The following POLB variants were observed in gnomAD, a reference collection of about 807,000 sequenced individuals.
The protein encoded by POLB is DNA polymerase beta, also known as 5'-dRP lyase.
In POLB, 37 loss-of-function variants were observed where a neutral mutation model predicts 52.7. The observed-to-expected ratio is 0.70, with a 90% CI of 0.54 to 0.92. The LOEUF (loss-of-function observed/expected upper bound fraction) is 0.92, where lower values mean the gene tolerates loss of function less well. POLB is among the 40% of genes least tolerant of loss of function. The pLI is 0.00. For missense variants in POLB, 313 were observed against 400.8 expected, an observed-to-expected ratio of 0.78 and a Z score of 1.87; for synonymous variants, 138 against 131.3, an observed-to-expected ratio of 1.05 and a Z score of -0.35.
intron 3 of POLB, 68 bp from the exon 4 acceptor site, chr8:42,348,948 C>A: frequency 4.8e-6 from 4 of 841,564 alleles, no homozygotes; most frequent in Non-Finnish European, 7.6e-6. Context: ...CTGCTTTTTA[C>A]TTTATCTTTT....
chr8:42,365,529 G>A (rs1449658145), intron 11 of POLB, among the ~76,000 whole-genome samples: 1 of 152,156 alleles, frequency 6.6e-6, no homozygotes, highest in African/African-American at 2.4e-5. Flanking sequence ...TAGACAAGTT[G>A]GATGTTGTGC....
chr8:42,353,583 A>G (rs1226696456), intron 6 of POLB, among the ~76,000 whole-genome samples: 1 of 152,248 alleles, frequency 6.6e-6, no homozygotes, highest in African/African-American at 2.4e-5. Context: ...TTCCTTAAAT[A>G]TAGTAATCCT....
intron 3 of POLB, among the ~76,000 whole-genome samples, chr8:42,348,358 T>C (rs768193608): frequency 1.3e-5 from 2 of 152,246 alleles, no homozygotes; most frequent in Admixed American, 1.3e-4. Flanking sequence ...CATTGAGTTC[T>C]TGAAACGTGG....
chr8:42,344,483 A>C (rs953636991), intron 2 of POLB, among the ~76,000 whole-genome samples: 2 of 151,626 alleles, frequency 1.3e-5, no homozygotes, highest in East Asian at 3.9e-4. Context: ...AAAAAAAAAA[A>C]AGTTAGACAT....
intron 10 of POLB, 148 bp downstream of exon 10, chr8:42,361,513 A>G (rs1306278658): frequency 3.0e-5 from 19 of 631,732 alleles, no homozygotes; most frequent in Admixed American, 1.4e-4. Flanking sequence ...ATTCTGCGAA[A>G]GGCAAATTTC....
In POLB at chr8:42,342,267, C is replaced by T. The variant is rs1218853521; in HGVS notation, c.120-2686C>T. 3 of 1,544,784 alleles carry T rather than the reference C, an allele frequency of 1.9e-6. No individual in the cohort carries two copies. In the African/African-American group the frequency reaches 4.1e-5, roughly 21 times the overall value. On this transcript the variant is annotated intron_variant, in intron 2 of 13. Transcript: ENST00000265421. ...ACATTGTATTATCGCCAGTCACCTC[C>T]ACTTGGCCTTCATAGATCTTGTCCA...
At chr8:42,345,074 G>A (rs1287688551) in intron 3 of POLB, 55 bp downstream of exon 3, 7 of 1,229,908 alleles carry the variant, frequency 5.7e-6, no homozygotes, top group Admixed American at 1.8e-5. Flanking sequence ...AATTTGGTGG[G>A]TTCCCACCAA....
chr8:42,345,099 T>C, intron 3 of POLB, 80 bp downstream of exon 3: 1 of 854,672 alleles, frequency 1.2e-6, no homozygotes, highest in African/African-American at 1.7e-5. Context: ...AACTTGCCTG[T>C]CTGAAGCAGC....
chr8:42,349,071 A>C lies in POLB; in HGVS notation c.242A>C (p.Lys81Thr). ...EKIDEFLATG[K>T]LRKLEKIRQD... ...ATTGATGAGTTTTTAGCAACTGGAAAATTACGTAAACTGGAAAAGGTAAAA... is the reference window on the plus strand; with the variant it reads ...ATTGATGAGTTTTTAGCAACTGGAACATTACGTAAACTGGAAAAGGTAAAA... Residue 81 changes from lysine to threonine, a missense_variant, in exon 4 of 14, where the codon AAA becomes ACA. By Grantham distance (78) the Lys-to-Thr change is moderately conservative. Transcript: ENST00000265421. 2 of 1,599,310 alleles carry C rather than the reference A, an allele frequency of 1.3e-6. No homozygotes were observed. The highest frequency in any genetic ancestry group is 2.2e-5 in the South Asian group (2 of 89,974).
In POLB at chr8:42,369,929, A is replaced by C. The variant is rs1298857868; in HGVS notation, c.854A>C (p.His285Pro). The C allele has an allele frequency of 1.9e-6, 3 of 1,603,084 alleles. No individual in the cohort carries two copies. The highest frequency in any genetic ancestry group is 1.3e-5 in the African/African-American group (1 of 74,850). The change falls in exon 13 of 14, where the codon CAT (histidine) becomes CCT (proline). Residue 285 changes from histidine (H) to proline (P), a missense_variant. Physicochemically the swap from His to Pro is moderately conservative, Grantham distance 77. Transcript: ENST00000265421. The part of the protein sequence containing the change: ...SDIFNKNMRA[H>P]ALEKGFTINE... ...ATTTTCAATAAGAATATGAGGGCTC[A>C]TGCCCTAGAAAAGGGTTTCACAATC...
rs1450680401 is a variant in POLB, at chr8:42,369,327, T to C, written c.765T>C (p.Ile255=). 1.3e-6 allele frequency: 2 copies of C among 1,570,302 alleles called. No homozygotes were observed. Among genetic ancestry groups the C allele is most frequent in the Non-Finnish European group, 8.8e-7 (1 of 1,141,612 alleles). ...NDEKEYPHRR[I]DIRLIPKDQY... is the part of the protein sequence containing the mutation. ...AAAAAGAATATCCACACAGAAGAAT[T>C]GATATCAGGTATTGTTCAGACTTTG... The change falls in exon 12 of 14, where the codon ATT becomes ATC. Residue 255 remains isoleucine (I), a synonymous_variant. Transcript: ENST00000265421.
intron 7 of POLB, 120 bp from the exon 8 acceptor site, chr8:42,357,049 C>G: frequency 1.6e-6 from 1 of 627,062 alleles, no homozygotes; most frequent in South Asian, 2.1e-5. Flanking sequence ...TTCATTCTAG[C>G]CTTGATTTGT....
intron 11 of POLB, among the ~76,000 whole-genome samples, chr8:42,364,152 C>G (rs2130847361): frequency 6.6e-6 from 1 of 152,244 alleles, no homozygotes; most frequent in African/African-American, 2.4e-5. Flanking sequence ...GTCTCAAACT[C>G]CTGACCTCAG....
At chr8:42,345,170 T>G (rs892757349) in intron 3 of POLB, 151 bp downstream of exon 3, 7 of 599,050 alleles carry the variant, frequency 1.2e-5, no homozygotes, top group Non-Finnish European at 2.1e-5. Flanking sequence ...TCATGCTGTT[T>G]CATACACACT....
chr8:42,348,315 T>C (rs909940724), intron 3 of POLB, among the ~76,000 whole-genome samples: 3 of 152,246 alleles, frequency 2.0e-5, no homozygotes, highest in Non-Finnish European at 4.4e-5. Context: ...AGAGAAGTGC[T>C]GCCCAATACA....
intron 3 of POLB, among the ~76,000 whole-genome samples, chr8:42,348,487 T>C (rs1240292221): frequency 1.3e-5 from 2 of 152,222 alleles, no homozygotes; most frequent in African/African-American, 2.4e-5. Flanking sequence ...TAGAACAAGG[T>C]GTCTAGGCCA....
At chr8:42,353,680 A>G (rs1344678372) in intron 6 of POLB, among the ~76,000 whole-genome samples, 2 of 152,076 alleles carry the variant, frequency 1.3e-5, no homozygotes, top group Non-Finnish European at 2.9e-5. Flanking sequence ...TTTGGGATTT[A>G]GTATTTGTGA....
At position 42,356,373 on chromosome 8, in the gene POLB, T is replaced by C. The variant is rs1333401390; in HGVS notation, c.423-796T>C. Among the ~76,000 whole-genome samples, 4 of 152,250 alleles carry C rather than the reference T, an allele frequency of 2.6e-5. No individual in the cohort carries two copies. The East Asian group carries it at 5.8e-4, about 22-fold the overall frequency. ...TTGGCTGTGAATAGGTGCTTCATCA[T>C]GCTGAAGCATATGCTTAGTTGCTGT... On this transcript the variant is annotated intron_variant, in intron 7 of 13. Transcript: ENST00000265421.
At chr8:42,345,659 G>A (rs1014011772) in intron 3 of POLB, among the ~76,000 whole-genome samples, 2 of 151,908 alleles carry the variant, frequency 1.3e-5, no homozygotes, top group African/African-American at 2.4e-5. Context: ...CCAAAAATCC[G>A]AAATCCAAAA....
Sources: gnomAD v4.1 joint callset for allele counts (sites outside exome capture counted in the v4.1 genomes callset) on GRCh38, gnomAD v4.1.1 for gene constraint, MANE v1.5 for transcripts, NCBI Gene and HGNC (gene_info 2026-07-23, HGNC 2026-07-21) for gene names.